The following MTPN variants were observed in gnomAD, a reference collection of about 807,000 sequenced individuals.
MTPN encodes the protein granule cell differentiation protein.
In MTPN, 2 loss-of-function variants were observed where a neutral mutation model predicts 13.5. The ratio of observed to expected loss-of-function variants is 0.15; its 90% CI spans 0.06 to 0.47. The LOEUF (loss-of-function observed/expected upper bound fraction) is 0.47, where lower values mean the gene tolerates loss of function less well. Ranked by LOEUF, MTPN falls within the 20% of genes least tolerant of loss-of-function variation. The pLI is 0.97. For synonymous variants in MTPN, 46 were observed against 51.7 expected (o/e 0.89, Z 0.48); for missense variants, 79 against 137.9 (o/e 0.57, Z 2.14).
chr7:135,970,277 CT>C (rs1799672597), intron 1 of MTPN, among the ~76,000 whole-genome samples: 1 of 152,168 alleles, frequency 6.6e-6, no homozygotes, highest in African/African-American at 2.4e-5. Flanking sequence ...CAATGTTTTT[CT>C]GAAATTAATT....
intron 2 of MTPN, 80 bp from the exon 3 acceptor site, chr7:135,950,762 T>C: frequency 9.2e-7 from 1 of 1,081,172 alleles, no homozygotes; most frequent in Non-Finnish European, 1.4e-6. Flanking sequence ...AAACTCTTTC[T>C]AGATTTACCT....
intron 1 of MTPN, among the ~76,000 whole-genome samples, chr7:135,954,807 G>A (rs1368512856): frequency 6.6e-6 from 1 of 152,162 alleles, no homozygotes; most frequent in Non-Finnish European, 1.5e-5. Flanking sequence ...GCTGGGCGTG[G>A]TGGTGGGCAC....
rs575446620 is a variant in MTPN at position 135,929,748 on chromosome 7, C to T, written c.*178G>A. On this transcript the variant is annotated 3_prime_UTR_variant, in exon 4 of 4. Coordinates refer to ENST00000393085, the MANE Select transcript of MTPN (RefSeq NM_145808.4). ...AGCCTGATCATGGTTCCTTTTGCCC[C>T]TCCTCCAAAACAATTTTTTTTTTCT... The T allele has an allele frequency of 8.0e-6, 5 of 625,358 alleles. No individual in the cohort carries two copies. The highest frequency in any genetic ancestry group is 6.0e-5 in the South Asian group (3 of 49,906). The allele number at this position is 625,358 out of a possible 1,614,324, so 38.7% of individuals were successfully genotyped here.
rs1300823791 is a variant in MTPN at position 135,977,340 on chromosome 7, A to C, written c.-240T>G. 3.5e-6 allele frequency: 2 copies of C among 563,484 alleles called. No homozygotes were observed. The highest frequency in any genetic ancestry group is 4.0e-5 in the South Asian group (2 of 50,282). 34.9% of individuals were successfully genotyped at this position (563,484 alleles called of 1,614,324 possible). On this transcript the variant is annotated 5_prime_UTR_variant, in exon 1 of 4. Coordinates refer to ENST00000393085, the MANE Select transcript of MTPN (RefSeq NM_145808.4). ...AGAGAGGTTCCGCCTGGCCGAGGAG[A>C]GGCAGGAACCTTTACACTTCCGGTT...
chr7:135,971,212 A>G (rs568623618), intron 1 of MTPN, among the ~76,000 whole-genome samples: 14 of 152,122 alleles, frequency 9.2e-5, no homozygotes, highest in Non-Finnish European at 1.6e-4. Flanking sequence ...ACCACAGAGA[A>G]AGGGAAGTTA....
intron 1 of MTPN, among the ~76,000 whole-genome samples, chr7:135,976,613 T>C (rs1192585762): frequency 1.3e-5 from 2 of 152,204 alleles, no homozygotes; most frequent in Non-Finnish European, 1.5e-5. Context: ...CTGATCCTAA[T>C]TACTTAGGTT....
chr7:135,938,933 G>T (rs1799158048), intron 3 of MTPN, among the ~76,000 whole-genome samples: 1 of 152,138 alleles, frequency 6.6e-6, no homozygotes, highest in Non-Finnish European at 1.5e-5. Flanking sequence ...ATACCCTTAA[G>T]AAATTTTCTA....
intron 1 of MTPN, among the ~76,000 whole-genome samples, chr7:135,974,023 TA>T (rs570491457): frequency 8.2e-4 from 125 of 152,334 alleles, no homozygotes; most frequent in African/African-American, 2.9e-3. Context: ...TGTAATAATC[TA>T]AATTTTTCTC....
At chr7:135,974,262 C>T (rs1292058155) in intron 1 of MTPN, among the ~76,000 whole-genome samples, 1 of 152,096 alleles carries the variant, frequency 6.6e-6, no homozygotes, top group Non-Finnish European at 1.5e-5. Context: ...GGGTTCACAC[C>T]TGTGAACCAG....
intron 1 of MTPN, among the ~76,000 whole-genome samples, chr7:135,964,335 C>T (rs1451734807): frequency 1.3e-5 from 2 of 152,054 alleles, no homozygotes; most frequent in East Asian, 3.9e-4. Context: ...CCAAAGAAAA[C>T]TCATCTCAGT....
intron 1 of MTPN, among the ~76,000 whole-genome samples, chr7:135,969,879 TAAAC>T (rs1439574622): frequency 2.0e-5 from 3 of 152,004 alleles, no homozygotes; most frequent in Non-Finnish European, 4.4e-5. Flanking sequence ...ACAAAAGACA[TAAAC>T]AATCATTTTT....
chr7:135,968,349 T>C (rs1457045683), intron 1 of MTPN, among the ~76,000 whole-genome samples: 1 of 152,178 alleles, frequency 6.6e-6, no homozygotes, highest in Non-Finnish European at 1.5e-5. Context: ...CTCTTTGCCC[T>C]TCACTTTCTT....
intron 1 of MTPN, among the ~76,000 whole-genome samples, chr7:135,969,947 T>G (rs1799667001): frequency 6.6e-6 from 1 of 152,182 alleles, no homozygotes; most frequent in African/African-American, 2.4e-5. Context: ...GTGCTGTTGA[T>G]GGTGTGAGGG....
At chr7:135,938,138 T>C (rs1799146033) in intron 3 of MTPN, among the ~76,000 whole-genome samples, 1 of 152,234 alleles carries the variant, frequency 6.6e-6, no homozygotes. Flanking sequence ...TTATTTGTAA[T>C]TATTGTGCTA....
At position 135,939,169 on chromosome 7, in the gene MTPN, G is replaced by A. The variant is rs535622560; in HGVS notation, c.271-9157C>T. Among the ~76,000 whole-genome samples, 46 of 152,250 alleles carry A rather than the reference G, an allele frequency of 3.0e-4. No homozygotes were observed. In the South Asian group the frequency reaches 8.5e-3, roughly 28 times the overall value. ...CCCAGTATTTAAATGAATACAGTGT[G>A]TACTTCCTTTTGATATTAAATGTCT... On this transcript the variant is annotated intron_variant, in intron 3 of 3. Transcript: ENST00000393085.
intron 3 of MTPN, among the ~76,000 whole-genome samples, chr7:135,930,644 A>T (rs1298252706): frequency 6.6e-6 from 1 of 152,118 alleles, no homozygotes; most frequent in Non-Finnish European, 1.5e-5. Flanking sequence ...TCTGGTTTTG[A>T]GAGTGTGTAT....
At chr7:135,960,514 T>C (rs1362088801) in intron 1 of MTPN, among the ~76,000 whole-genome samples, 2 of 151,946 alleles carry the variant, frequency 1.3e-5, no homozygotes, top group African/African-American at 4.8e-5. Flanking sequence ...TAAATCTGAA[T>C]AGTATTTCCC....
chr7:135,953,672 T>C (rs958522723), intron 1 of MTPN, among the ~76,000 whole-genome samples: 7 of 152,200 alleles, frequency 4.6e-5, no homozygotes, highest in Admixed American at 6.5e-5. Context: ...CTGTCTACCA[T>C]AGCAACCAAT....
At position 135,975,291 on chromosome 7, in the gene MTPN, G is replaced by A. The variant is rs76721057; in HGVS notation, c.72+1738C>T. On this transcript the variant is annotated intron_variant, in intron 1 of 3. Coordinates refer to ENST00000393085, the MANE Select transcript of MTPN (RefSeq NM_145808.4). ...CTGCCTGAATGTGGACCCTGGGAAT[G>A]TCCTACTAGAAATCTTGGTATGATA... Among the ~76,000 whole-genome samples, 2,626 of 152,276 alleles carry A rather than the reference G, an allele frequency of 0.017. 95 individuals carry two copies. In the East Asian group the frequency reaches 0.18, roughly 10 times the overall value.
Sources: allele counts gnomAD v4.1 joint callset (sites outside exome capture counted in the v4.1 genomes callset), GRCh38; gene constraint gnomAD v4.1.1; transcripts MANE v1.5; gene names NCBI Gene and HGNC (gene_info 2026-07-23, HGNC 2026-07-21).